TNS1: variants seen among roughly 807,000 people sequenced by gnomAD.
TNS1 encodes tensin-1.
TNS1 carries 62 observed loss-of-function variants against 168.6 expected under a neutral mutation model. The observed-to-expected ratio is 0.37, with a 90% CI of 0.30 to 0.45. The LOEUF is 0.45. Among genes scored for constraint, TNS1 ranks in the 20% least tolerant of loss-of-function variants. TNS1 has a pLI of 1.00. For synonymous variants in TNS1, 934 were observed against 933.2 expected (o/e 1.00, Z -0.02); for missense variants, 2,240 against 2,339.4 (o/e 0.96, Z 0.88).
chr2:217,931,181 C>G (rs1407829757), intron 3 of TNS1, among the ~76,000 whole-genome samples: 1 of 152,072 alleles, frequency 6.6e-6, no homozygotes, highest in African/African-American at 2.4e-5. Context: ...CCCAGTAATG[C>G]TATAATGGAG....
intron 22 of TNS1, chr2:217,829,902 G>C (rs1944168287): frequency 2.5e-6 from 4 of 1,613,360 alleles, no homozygotes; most frequent in Non-Finnish European, 3.4e-6. Context: ...GACGAGAAGA[G>C]AGGTGGGAGG....
intron 18 of TNS1, among the ~76,000 whole-genome samples, chr2:217,872,410 A>C (rs994130622): frequency 6.6e-6 from 1 of 152,260 alleles, no homozygotes; most frequent in African/African-American, 2.4e-5. Context: ...GTGGATGGGC[A>C]GTTTTCTAAA....
intron 4 of TNS1, among the ~76,000 whole-genome samples, chr2:217,914,510 TTTTG>T (rs2125829629): frequency 1.3e-5 from 2 of 152,192 alleles, no homozygotes; most frequent in African/African-American, 4.8e-5. Context: ...GGTTTTTTTG[TTTTG>T]TTTTTGTTTT....
intron 2 of TNS1, among the ~76,000 whole-genome samples, 165 bp downstream of exon 2, chr2:217,990,777 A>C (rs1958346036): frequency 1.3e-5 from 2 of 150,506 alleles, no homozygotes; most frequent in East Asian, 2.0e-4. Context: ...ACCCACCCAC[A>C]TGCTTGTCAT....
At chr2:217,984,403 C>A (rs1472820127) in intron 2 of TNS1, among the ~76,000 whole-genome samples, 1 of 151,948 alleles carries the variant, frequency 6.6e-6, no homozygotes, top group Non-Finnish European at 1.5e-5. Context: ...TCGTAAATTT[C>A]TTAAAATATT....
intron 7 of TNS1, 91 bp downstream of exon 7, chr2:217,900,372 C>G (rs1160249987): frequency 1.3e-5 from 18 of 1,438,626 alleles, no homozygotes; most frequent in Non-Finnish European, 1.7e-5. Flanking sequence ...TGGCTGCAGT[C>G]CGGGGGACCC....
chr2:217,900,668 C>G lies in TNS1; in HGVS notation c.322-156G>C, dbSNP rs948967737. On this transcript the variant is annotated intron_variant, in intron 6 of 32. Coordinates refer to ENST00000682258, the MANE Select transcript of TNS1 (RefSeq NM_001387777.1). The stretch of plus-strand genomic sequence containing the variant: ...CTAACCCCTGCAAAAACACAGCCTG[C>G]CCGAAGCCAAAGCCATCAACACTGA... 17 of 787,024 alleles carry G rather than the reference C, an allele frequency of 2.2e-5. No homozygotes were observed. The Admixed American group carries it at 4.8e-4, about 22-fold the overall frequency. The allele number at this position is 787,024 out of a possible 1,614,324, so 48.8% of individuals were successfully genotyped here. A position where few individuals can be genotyped will look rare whatever the true frequency, so the allele number is the denominator to read the frequency against.
chr2:218,027,246 T>TG (rs904105367), intron 1 of TNS1, among the ~76,000 whole-genome samples: 3 of 151,838 alleles, frequency 2.0e-5, no homozygotes, highest in Non-Finnish European at 4.4e-5. Flanking sequence ...GGTCCCTCTC[T>TG]GGGGGGCCTT....
intron 28 of TNS1, among the ~76,000 whole-genome samples, chr2:217,811,539 GGA>G (rs1179935332): frequency 1.3e-5 from 2 of 152,196 alleles, no homozygotes; most frequent in African/African-American, 2.4e-5. Flanking sequence ...CCACAGCCTA[GGA>G]GCGCTTCTGA....
rs1957179862 is a variant in TNS1 at position 217,948,957 on chromosome 2, CA to C, written c.187-28722del. On this transcript the variant is annotated intron_variant, in intron 3 of 32. Coordinates refer to ENST00000682258, the MANE Select transcript of TNS1 (RefSeq NM_001387777.1). The surrounding 1 kb of genome is among the most constrained non-coding windows in gnomAD (Gnocchi z 4.1). ...CCTACTCAGATTTGTACCATAGTGT[CA>C]GGGCAGAGGATGGAAAGGGAAGGAG... Among the ~76,000 whole-genome samples, 1 of 152,158 alleles carries C rather than the reference CA, an allele frequency of 6.6e-6. No individual in the cohort carries two copies. The highest frequency in any genetic ancestry group is 2.1e-4 in the South Asian group (1 of 4,810).
rs990179088 is a variant in TNS1, at chr2:217,913,581, G to A, written c.229-6330C>T. 6.6e-5 allele frequency among the ~76,000 whole-genome samples: 10 copies of A among 152,020 alleles called. 1 individual carries two copies. Among genetic ancestry groups the A allele is most frequent in the Middle Eastern group, 6.8e-3 (2 of 294 alleles). ...TATACCAGCTCAGCCCTCCCCTGGC[G>A]GTCCCTCCCTGCCAAGCCACCCTGA... On this transcript the variant is annotated intron_variant, in intron 4 of 32. Coordinates refer to ENST00000682258, the MANE Select transcript of TNS1 (RefSeq NM_001387777.1).
In TNS1 at chr2:217,814,236, G is replaced by A. The variant is rs542710223; in HGVS notation, c.4730-420C>T. On this transcript the variant is annotated intron_variant, in intron 25 of 32. Coordinates refer to ENST00000682258, the MANE Select transcript of TNS1 (RefSeq NM_001387777.1). ...TCACTATGTTGCCCTGGCTGGTCTC[G>A]AACTCCTGGCCCCAAGTGATCCCCC... 1.0e-3 allele frequency among the ~76,000 whole-genome samples: 158 copies of A among 152,174 alleles called. 1 individual carries two copies. The highest frequency in any genetic ancestry group is 5.3e-4 in the African/African-American group (22 of 41,496).
At chr2:217,868,859 C>A (rs1470983032) in intron 18 of TNS1, among the ~76,000 whole-genome samples, 2 of 152,250 alleles carry the variant, frequency 1.3e-5, no homozygotes, top group East Asian at 3.9e-4. Context: ...GGTTCCACCC[C>A]TTCCCAGCCT....
chr2:217,848,459 G>A lies in TNS1; in HGVS notation c.2058C>T (p.Tyr686=), dbSNP rs781637789. Residue 686 remains tyrosine, a synonymous_variant, in exon 19 of 33, where the codon TAC becomes TAT. Transcript: ENST00000682258. The stretch of plus-strand genomic sequence containing the variant: ...CAGGCCCCGCCCGGCTGGCAGACTC[G>A]TAGGGGTAGCCTCCTCCATTGACCA... ...EPMVNGGGYP[Y]ESASRAGPAH... is the part of the protein sequence containing the mutation. 62 of 1,612,828 alleles carry A rather than the reference G, an allele frequency of 3.8e-5. No homozygotes were observed. The highest frequency in any genetic ancestry group is 1.2e-4 in the African/African-American group (9 of 74,930).
chr2:218,002,848 T>C lies in TNS1; in HGVS notation c.25A>G (p.Met9Val), dbSNP rs1438490225. 2 of 456,774 alleles carry C rather than the reference T, an allele frequency of 4.4e-6. No homozygotes were observed. Among genetic ancestry groups the C allele is most frequent in the African/African-American group, 4.0e-5 (2 of 50,054 alleles). 28.3% of individuals were successfully genotyped at this position (456,774 alleles called of 1,614,324 possible). A position where few individuals can be genotyped will look rare whatever the true frequency, so the allele number is the denominator to read the frequency against. MTWICLSC[M>V]LWPEDLEAPK... ...AAAGCAGCCAGACCTACCCAGAGCA[T>C]GCAGGACAGACAGATCCACGTCATC... The change falls in exon 1 of 33, where the codon ATG (methionine) becomes GTG (valine). Residue 9 changes from methionine to valine, a missense_variant. By Grantham distance (21) the Met-to-Val change is conservative. Transcript: ENST00000682258.
chr2:217,960,973 G>C (rs1314320733), intron 3 of TNS1, among the ~76,000 whole-genome samples: 1 of 152,136 alleles, frequency 6.6e-6, no homozygotes, highest in African/African-American at 2.4e-5. Context: ...GGAAGCAGTA[G>C]GATGCCAAGG....
chr2:217,804,541 G>A lies in TNS1; in HGVS notation c.5438C>T (p.Ala1813Val), dbSNP rs1212792339. ...STTDNACHLFAELDPNQPASA... is the reference protein window; with the variant it reads ...STTDNACHLFVELDPNQPASA... The stretch of plus-strand genomic sequence containing the variant: ...GGCCGGCTGGTTGGGGTCAAGCTCA[G>A]CAAAGAGGTGGCAGGCGTTGTCCGT... The change falls in exon 33 of 33, where the codon GCT becomes GTT. Residue 1813 changes from alanine to valine, a missense_variant. Physicochemically the swap from Ala to Val is moderately conservative, Grantham distance 64 (BLOSUM62 0). Around this residue, in one of 2 missense-constraint regions of TNS1, gnomAD observed 109 missense variants for 168.1 expected, o/e 0.65. Transcript: ENST00000682258. 6.2e-7 allele frequency: 1 copy of A among 1,614,170 alleles called. No individual in the cohort carries two copies. Among genetic ancestry groups the A allele is most frequent in the Middle Eastern group, 1.7e-4 (1 of 6,058 alleles).
At chr2:217,962,977 C>T (rs574169211) in intron 3 of TNS1, among the ~76,000 whole-genome samples, 69 of 152,134 alleles carry the variant, frequency 4.5e-4, no homozygotes, top group Non-Finnish European at 5.9e-4. Context: ...AAGATGTCAG[C>T]ATTAGGGGGA....
chr2:217,841,128 TGA>T (rs1945891226), intron 19 of TNS1: 1 of 714,432 alleles, frequency 1.4e-6, no homozygotes, highest in African/African-American at 2.1e-5. Context: ...GAAGAAGGAG[TGA>T]AAAGAAACTG....
Sources: gnomAD v4.1 joint callset for allele counts (sites outside exome capture counted in the v4.1 genomes callset) on GRCh38, gnomAD v4.1.1 for gene constraint, gnomAD v4.1.1 regional missense constraint, Gnocchi (gnomAD v3.1) non-coding constraint, MANE v1.5 for transcripts, NCBI Gene and HGNC (gene_info 2026-07-23, HGNC 2026-07-21) for gene names.